Variants in CHMP2B observed in about 807,000 individuals in gnomAD.
The protein encoded by CHMP2B is charged multivesicular body protein 2B.
A neutral mutation model predicts 29.8 loss-of-function variants in CHMP2B; 22 were observed. That is an observed-to-expected ratio of 0.74 (90% confidence interval 0.53 to 1.05). The LOEUF is 1.05. Ranked by LOEUF, CHMP2B falls within the 50% of genes least tolerant of loss-of-function variation. The pLI, the probability that CHMP2B is intolerant of heterozygous loss-of-function variation, is 0.00. For synonymous variants in CHMP2B, 78 were observed against 75.8 expected, an observed-to-expected ratio of 1.03 and a Z score of -0.15; for missense variants, 261 against 252.2, an observed-to-expected ratio of 1.03 and a Z score of -0.24.
At chr3:87,251,824 T>G (rs1183961166) in intron 4 of CHMP2B, among the ~76,000 whole-genome samples, 1 of 151,526 alleles carries the variant, frequency 6.6e-6, no homozygotes, top group African/African-American at 2.4e-5. Context: ...TTTCTAATCT[T>G]TTTCTTCTAT....
intron 1 of CHMP2B, among the ~76,000 whole-genome samples, chr3:87,234,400 A>T (rs1705962204): frequency 6.6e-6 from 1 of 152,204 alleles, no homozygotes; most frequent in Non-Finnish European, 1.5e-5. Flanking sequence ...TAAGTCTATG[A>T]TCTCATCACT....
intron 1 of CHMP2B, among the ~76,000 whole-genome samples, chr3:87,231,795 AAGCTG>A (rs1409190949): frequency 6.6e-6 from 1 of 152,082 alleles, no homozygotes; most frequent in Admixed American, 6.6e-5. Context: ...TCCTCTAGCT[AAGCTG>A]AACTATCCTA....
At chr3:87,240,306 G>GTT (rs752097820) in intron 1 of CHMP2B, 8 of 135,318 alleles carry the variant, frequency 5.9e-5, no homozygotes, top group Non-Finnish European at 1.1e-4. Flanking sequence ...GTTTTTTTTT[G>GTT]TTTTTTTTTT....
rs1490641107 is a variant in CHMP2B at position 87,254,946 on chromosome 3, A to AT, written c.*1130dup. On this transcript the variant is annotated 3_prime_UTR_variant, in exon 6 of 6. Coordinates refer to ENST00000263780, the MANE Select transcript of CHMP2B (RefSeq NM_014043.4). The stretch of plus-strand genomic sequence containing the variant: ...TACTATCTAAATGTGTATTAGCAGT[A>AT]TTTTTTAAGGTGAAATTGCCTTGGT... 1 of 152,002 alleles carries AT rather than the reference A, an allele frequency of 6.6e-6. No homozygotes were observed. The highest frequency in any genetic ancestry group is 2.4e-5 in the African/African-American group (1 of 41,424). The allele number at this position is 152,002 out of a possible 1,614,324, so 9.4% of individuals were successfully genotyped here. A position where few individuals can be genotyped will look rare whatever the true frequency, so the allele number is the denominator to read the frequency against.
In CHMP2B at chr3:87,252,042, C is replaced by G. The variant is rs148158456; in HGVS notation, c.425-1362C>G. 1.1e-3 allele frequency among the ~76,000 whole-genome samples: 162 copies of G among 151,850 alleles called. 1 individual carries two copies. Among genetic ancestry groups the G allele is most frequent in the African/African-American group, 3.9e-3 (160 of 41,452 alleles). On this transcript the variant is annotated intron_variant, in intron 4 of 5. Coordinates refer to ENST00000263780, the MANE Select transcript of CHMP2B (RefSeq NM_014043.4). Reference sequence around the variant, plus strand: ...TCTGCTTACTACAAAATAAAATCCCCAAATTTTAAATAAAAGACAAGAAGG... The same window carrying G: ...TCTGCTTACTACAAAATAAAATCCCGAAATTTTAAATAAAAGACAAGAAGG...
intron 1 of CHMP2B, among the ~76,000 whole-genome samples, chr3:87,234,653 T>C (rs1296489324): frequency 6.6e-6 from 1 of 152,216 alleles, no homozygotes; most frequent in African/African-American, 2.4e-5. Flanking sequence ...TGAAGTTTTC[T>C]ATTACCACCT....
At chr3:87,246,565 C>A (rs1419118192) in intron 3 of CHMP2B, among the ~76,000 whole-genome samples, 2 of 152,088 alleles carry the variant, frequency 1.3e-5, no homozygotes, top group Non-Finnish European at 2.9e-5. Context: ...TATGTTCTGA[C>A]TACTTTTGAG....
intron 4 of CHMP2B, among the ~76,000 whole-genome samples, chr3:87,251,184 A>G (rs186185094): frequency 4.6e-5 from 7 of 151,890 alleles, no homozygotes; most frequent in Admixed American, 1.3e-4. Context: ...CAGTATACCT[A>G]TTTTTATTCT....
At chr3:87,247,740 T>A (rs1032283788) in intron 3 of CHMP2B, among the ~76,000 whole-genome samples, 1 of 152,180 alleles carries the variant, frequency 6.6e-6, no homozygotes, top group Non-Finnish European at 1.5e-5. Flanking sequence ...GCAGAGCACA[T>A]GAAAGTCGAG....
intron 4 of CHMP2B, among the ~76,000 whole-genome samples, chr3:87,250,917 C>T (rs563952151): frequency 5.3e-5 from 8 of 151,904 alleles, no homozygotes; most frequent in East Asian, 1.9e-4. Context: ...ATAGCACCCT[C>T]GTCAACATTA....
Position 87,253,742 on chromosome 3 carries a change from T to G in CHMP2B, c.562T>G (p.Leu188Val), listed in dbSNP as rs1706354957. Residue 188 changes from leucine (L) to valine (V), a missense_variant, in exon 6 of 6, where the codon TTA (leucine) becomes GTA (valine). By Grantham distance (32) the Leu-to-Val change is conservative. Coordinates refer to ENST00000263780, the MANE Select transcript of CHMP2B (RefSeq NM_014043.4). ...CAAAGCTCCATCAGCTGCTCGAAGC[T>G]TACCATCTGCCTCTACTTCAAAGGC... ...MAKAPSAARSLPSASTSKATI... is the reference protein window; with the variant it reads ...MAKAPSAARSVPSASTSKATI... 4.3e-6 allele frequency: 7 copies of G among 1,612,616 alleles called. No homozygotes were observed. The highest frequency in any genetic ancestry group is 5.9e-6 in the Non-Finnish European group (7 of 1,178,872).
chr3:87,250,036 A>T, intron 4 of CHMP2B, 59 bp downstream of exon 4: 1 of 1,000,950 alleles, frequency 1.0e-6, no homozygotes, highest in Non-Finnish European at 1.5e-6. Flanking sequence ...TTAGCCATTT[A>T]TTTACTATGT....
rs557194644 is a variant in CHMP2B, at chr3:87,240,710, G to A, written c.46G>A (p.Glu16Lys). 1.2e-6 allele frequency: 2 copies of A among 1,611,734 alleles called. No individual in the cohort carries two copies. The highest frequency in any genetic ancestry group is 2.2e-5 in the South Asian group (2 of 91,014). Residue 16 changes from glutamate to lysine, a missense_variant, in exon 2 of 6, where the codon GAA becomes AAA. Physicochemically the swap from Glu to Lys is moderately conservative, Grantham distance 56 (BLOSUM62 1). Transcript: ENST00000263780. ...TGTGATTCTCCTAGATGTAATAAAG[G>A]AACAGAATCGAGAGTTACGAGGTAC... Reference protein sequence around the residue: ...KKKTVDDVIKEQNRELRGTQR... With the variant: ...KKKTVDDVIKKQNRELRGTQR...
Position 87,227,468 on chromosome 3 carries a change from G to A in CHMP2B, c.-55G>A. ...TCCTGTCCTTTTCCTCCTGTCCTTT[G>A]CCAGCGTTGGGCCGGACCGGGCCGA... is the stretch of plus-strand genomic sequence containing the variant. On this transcript the variant is annotated 5_prime_UTR_variant, in exon 1 of 6. Transcript: ENST00000263780. 8.7e-6 allele frequency: 14 copies of A among 1,609,656 alleles called. No homozygotes were observed. The highest frequency in any genetic ancestry group is 1.2e-5 in the Non-Finnish European group (14 of 1,176,098).
At chr3:87,228,845 C>T (rs1309088511) in intron 1 of CHMP2B, among the ~76,000 whole-genome samples, 2 of 151,680 alleles carry the variant, frequency 1.3e-5, no homozygotes, top group African/African-American at 4.9e-5. Context: ...CATGAGAATG[C>T]TGCTTAATCT....
chr3:87,247,766 C>T (rs71318688), intron 3 of CHMP2B, among the ~76,000 whole-genome samples: 19,178 of 152,102 alleles, frequency 0.13, 1,256 homozygotes, highest in South Asian at 0.21. Context: ...TGCAAACATA[C>T]AGTTAGAAGG....
At position 87,255,198 on chromosome 3, in the gene CHMP2B, G is replaced by C. The variant is rs191203869; in HGVS notation, c.*1376G>C. ...CTTAGGACTAGTATACATGTGACAC[G>C]GATTGCTAGGAGGAATGAAAAACTA... On this transcript the variant is annotated 3_prime_UTR_variant, in exon 6 of 6. Coordinates refer to ENST00000263780, the MANE Select transcript of CHMP2B (RefSeq NM_014043.4). 30 of 152,178 alleles carry C rather than the reference G, an allele frequency of 2.0e-4. No individual in the cohort carries two copies. The East Asian group carries it at 5.6e-3, about 28-fold the overall frequency. 9.4% of individuals were successfully genotyped at this position (152,178 alleles called of 1,614,324 possible). A position where few individuals can be genotyped will look rare whatever the true frequency, so the allele number is the denominator to read the frequency against.
rs748625123 is a variant in CHMP2B, at chr3:87,227,479, G to A, written c.-44G>A. ...TCCTCCTGTCCTTTGCCAGCGTTGG[G>A]CCGGACCGGGCCGAGCCGGGCCGCC... On this transcript the variant is annotated 5_prime_UTR_variant, in exon 1 of 6. Coordinates refer to ENST00000263780, the MANE Select transcript of CHMP2B (RefSeq NM_014043.4). 1 of 1,613,416 alleles carries A rather than the reference G, an allele frequency of 6.2e-7. No homozygotes were observed.
intron 1 of CHMP2B, among the ~76,000 whole-genome samples, chr3:87,228,323 A>G (rs577028359): frequency 4.7e-4 from 71 of 152,376 alleles, no homozygotes; most frequent in African/African-American, 1.6e-3. Flanking sequence ...TGCGATGCCT[A>G]TAATGTGTTT....
Sources: gnomAD v4.1 joint callset for allele counts (sites outside exome capture counted in the v4.1 genomes callset) on GRCh38, gnomAD v4.1.1 for gene constraint, MANE v1.5 for transcripts, NCBI Gene and HGNC (gene_info 2026-07-23, HGNC 2026-07-21) for gene names.